The following GTPBP8 variants were observed in gnomAD, a reference collection of about 807,000 sequenced individuals.
GTPBP8 encodes GTP binding protein 8.
A neutral mutation model predicts 27.3 loss-of-function variants in GTPBP8; 21 were observed. That is an observed-to-expected ratio of 0.77 (90% CI 0.55 to 1.11). The LOEUF is 1.11. Ranked by LOEUF, GTPBP8 falls within the 50% of genes least tolerant of loss-of-function variation. The probability of loss-of-function intolerance (pLI) is 0.00; values close to 1 mark genes in which losing one functional copy is unlikely to be tolerated. For missense variants in GTPBP8, 380 were observed against 350.8 expected (o/e 1.08, Z -0.67); for synonymous variants, 147 against 135.3 (o/e 1.09, Z -0.60).
At chr3:112,991,467 T>G (rs1468409481) in intron 1 of GTPBP8, 132 bp downstream of exon 1, 1 of 810,760 alleles carries the variant, frequency 1.2e-6, no homozygotes, top group Non-Finnish European at 2.1e-6. Flanking sequence ...TTATTTTAAC[T>G]CAATAGGCAT....
intron 2 of GTPBP8, among the ~76,000 whole-genome samples, chr3:112,993,843 C>G (rs1933732874): frequency 1.3e-5 from 2 of 152,194 alleles, no homozygotes; most frequent in African/African-American, 4.8e-5. Flanking sequence ...AAATGATTCT[C>G]TGGCTCCATC....
In GTPBP8 at chr3:112,993,021, A is replaced by T. The variant is rs1933712646; in HGVS notation, c.337-5A>T. The T allele has an allele frequency of 1.3e-6, 2 of 1,547,738 alleles. No homozygotes were observed. The highest frequency in any genetic ancestry group is 1.8e-6 in the Non-Finnish European group (2 of 1,122,278). ...ACGTACTTATCTTGTTTTTTCTTGT[A>T]TAAGGTGTGTTTTATAGGCAGAAGC... is the stretch of plus-strand genomic sequence containing the variant. On this transcript the variant is annotated splice_region_variant and splice_polypyrimidine_tract_variant and intron_variant, in intron 1 of 5. Coordinates refer to ENST00000383678, the MANE Select transcript of GTPBP8 (RefSeq NM_014170.4).
chr3:112,998,464 G>A (rs1468602742), intron 4 of GTPBP8, among the ~76,000 whole-genome samples: 1 of 152,010 alleles, frequency 6.6e-6, no homozygotes, highest in Non-Finnish European at 1.5e-5. Context: ...GCCACCCTTT[G>A]GAAACCTACC....
rs749506973 is a variant in GTPBP8 at position 112,993,023 on chromosome 3, A to G, written c.337-3A>G. 72 of 1,553,230 alleles carry G rather than the reference A, an allele frequency of 4.6e-5. No homozygotes were observed. The highest frequency in any genetic ancestry group is 6.3e-5 in the Non-Finnish European group (71 of 1,126,540). On this transcript the variant is annotated splice_region_variant and splice_polypyrimidine_tract_variant and intron_variant, in intron 1 of 5. Transcript: ENST00000383678. ...GTACTTATCTTGTTTTTTCTTGTATAAGGTGTGTTTTATAGGCAGAAGCAA... is the reference window on the plus strand; with the variant it reads ...GTACTTATCTTGTTTTTTCTTGTATGAGGTGTGTTTTATAGGCAGAAGCAA...
chr3:112,991,475 C>A (rs574362100), intron 1 of GTPBP8, 140 bp downstream of exon 1: 2 of 782,208 alleles, frequency 2.6e-6, no homozygotes, highest in Non-Finnish European at 2.2e-6. Context: ...ACTCAATAGG[C>A]ATATGTCGAT....
Position 112,994,621 on chromosome 3 carries a change from T to C in GTPBP8, c.436-514T>C, listed in dbSNP as rs189963642. 2.0e-5 allele frequency among the ~76,000 whole-genome samples: 3 copies of C among 152,280 alleles called. No homozygotes were observed. In the East Asian group the frequency reaches 5.8e-4, roughly 29 times the overall value. ...GCACTAAAATCCACCTAATAAAACA[T>C]GCAAAACATCTTGATTTTAGGGAAG... On this transcript the variant is annotated intron_variant, in intron 2 of 5. Coordinates refer to ENST00000383678, the MANE Select transcript of GTPBP8 (RefSeq NM_014170.4).
rs554397327 is a variant in GTPBP8 at position 112,994,841 on chromosome 3, T to G, written c.436-294T>G. On this transcript the variant is annotated intron_variant, in intron 2 of 5. Transcript: ENST00000383678. ...GGGTGAATTTTTCACTAAGAGTGAA[T>G]GCAATAGGAAAGACTCCAAAATATT... is the stretch of plus-strand genomic sequence containing the variant. Among the ~76,000 whole-genome samples, 3 of 152,336 alleles carry G rather than the reference T, an allele frequency of 2.0e-5. No homozygotes were observed. In the South Asian group the frequency reaches 6.2e-4, roughly 32 times the overall value.
intron 3 of GTPBP8, among the ~76,000 whole-genome samples, chr3:112,996,230 C>T (rs551614840): frequency 2.0e-5 from 3 of 151,756 alleles, no homozygotes; most frequent in East Asian, 3.9e-4. Context: ...AGGCCGAGGT[C>T]GGCGGATCAC....
intron 1 of GTPBP8, chr3:112,991,997 C>G (rs78453530): frequency 0.025 from 4,714 of 186,654 alleles, 68 homozygotes; most frequent in African/African-American, 0.036. Context: ...GGCATCTCAA[C>G]TCTCCATATG....
chr3:112,995,145 A>T lies in GTPBP8; in HGVS notation c.446A>T (p.Lys149Met). The T allele has an allele frequency of 6.2e-7, 1 of 1,600,158 alleles. No homozygotes were observed. The highest frequency in any genetic ancestry group is 8.5e-7 in the Non-Finnish European group (1 of 1,173,654). Residue 149 changes from lysine (K) to methionine (M), a missense_variant, in exon 3 of 6, where the codon AAG becomes ATG. By Grantham distance (95) the Lys-to-Met change is moderately conservative. Transcript: ENST00000383678. ...VRVSKKPGHT[K>M]KMNFFKVGKH... ...TATTTACTTTATCAGGGACACACAA[A>T]GAAAATGAATTTTTTCAAAGTTGGA...
Position 112,993,041 on chromosome 3 carries a change from A to G in GTPBP8, c.352A>G (p.Arg118Gly). ...CTTGTATAAGGTGTGTTTTATAGGC[A>G]GAAGCAATGTTGGAAAATCATCTCT... ...LPRPEVCFIG[R>G]SNVGKSSLIK... Residue 118 changes from arginine (R) to glycine (G), a missense_variant, in exon 2 of 6, where the codon AGA becomes GGA. Arg to Gly is a moderately radical substitution (Grantham distance 125, BLOSUM62 -2). Coordinates refer to ENST00000383678, the MANE Select transcript of GTPBP8 (RefSeq NM_014170.4). 6.2e-7 allele frequency: 1 copy of G among 1,604,148 alleles called. No individual in the cohort carries two copies. Among genetic ancestry groups the G allele is most frequent in the African/African-American group, 1.3e-5 (1 of 74,828 alleles).
intron 4 of GTPBP8, among the ~76,000 whole-genome samples, chr3:112,997,857 A>G (rs760490560): frequency 1.3e-5 from 2 of 152,226 alleles, no homozygotes; most frequent in Non-Finnish European, 2.9e-5. Context: ...GCCAAACTAA[A>G]TAATAGTATT....
chr3:113,000,731 T>G (rs1185816947), intron 5 of GTPBP8, 119 bp from the exon 6 acceptor site: 2 of 618,406 alleles, frequency 3.2e-6, no homozygotes, highest in African/African-American at 3.8e-5. Context: ...TAGAACACAT[T>G]AAAAGATGTT....
At chr3:112,999,620 G>A (rs1198431651) in intron 5 of GTPBP8, 56 bp downstream of exon 5, 3 of 730,468 alleles carry the variant, frequency 4.1e-6, no homozygotes, top group Non-Finnish European at 4.6e-6. Flanking sequence ...TGAGAATGTT[G>A]TGGGTTTTTT....
intron 5 of GTPBP8, among the ~76,000 whole-genome samples, 197 bp from the exon 6 acceptor site, chr3:113,000,653 G>A (rs75629285): frequency 0.022 from 3,366 of 152,196 alleles, 63 homozygotes; most frequent in Admixed American, 0.059. Context: ...TGAAGGAAAT[G>A]GATCAGATAA....
chr3:112,999,391 TA>T, intron 4 of GTPBP8, 54 bp from the exon 5 acceptor site: 1 of 612,080 alleles, frequency 1.6e-6, no homozygotes, highest in Non-Finnish European at 2.9e-6. Context: ...CTAAAATGTG[TA>T]AAATTATTAA....
Position 113,001,152 on chromosome 3 carries a change from T to A in GTPBP8, c.*233T>A, listed in dbSNP as rs1313512706. ...TTCATTAGAACAGCTACTAGCTGAT[T>A]CCCCTATTTTAACAAACTGACAAGA... On this transcript the variant is annotated 3_prime_UTR_variant, in exon 6 of 6. Coordinates refer to ENST00000383678, the MANE Select transcript of GTPBP8 (RefSeq NM_014170.4). The A allele has an allele frequency of 7.6e-6, 3 of 395,902 alleles. No homozygotes were observed. Among genetic ancestry groups the A allele is most frequent in the Non-Finnish European group, 4.5e-6 (1 of 221,048 alleles). 24.5% of individuals were successfully genotyped at this position (395,902 alleles called of 1,614,324 possible).
intron 3 of GTPBP8, 86 bp from the exon 4 acceptor site, chr3:112,996,806 G>T: frequency 1.5e-6 from 1 of 679,930 alleles, no homozygotes; most frequent in East Asian, 2.8e-5. Flanking sequence ...ATTCAAAGAA[G>T]AATTTCTTAG....
At chr3:112,995,031 G>A (rs1485362303) in intron 2 of GTPBP8, 104 bp from the exon 3 acceptor site, 4 of 818,688 alleles carry the variant, frequency 4.9e-6, no homozygotes, top group Non-Finnish European at 7.9e-6. Context: ...TATATACTTG[G>A]CTTTTAATAA....
Sources: gnomAD v4.1 joint callset for allele counts (sites outside exome capture counted in the v4.1 genomes callset) on GRCh38, gnomAD v4.1.1 for gene constraint, MANE v1.5 for transcripts, NCBI Gene and HGNC (gene_info 2026-07-23, HGNC 2026-07-21) for gene names.